ITGA11: variants seen among roughly 807,000 people sequenced by gnomAD.
ITGA11 encodes integrin alpha-11.
In ITGA11, 97 loss-of-function variants were observed where a neutral mutation model predicts 141.9. That is an observed-to-expected ratio of 0.68 (90% CI 0.58 to 0.81). The LOEUF (loss-of-function observed/expected upper bound fraction) is 0.81, where lower values mean the gene tolerates loss of function less well. Ranked by LOEUF, ITGA11 falls within the 30% of genes least tolerant of loss-of-function variation. The pLI is 0.00. For missense variants in ITGA11, 1,387 were observed against 1,559.2 expected (o/e 0.89, Z 1.86); for synonymous variants, 658 against 624.6 (o/e 1.05, Z -0.80).
intron 15 of ITGA11, among the ~76,000 whole-genome samples, 165 bp downstream of exon 15, chr15:68,330,816 T>C (rs550186172): frequency 1.3e-5 from 2 of 152,140 alleles, no homozygotes; most frequent in Non-Finnish European, 2.9e-5. Context: ...TTACACTGAT[T>C]CCACCAAAAG....
intron 2 of ITGA11, among the ~76,000 whole-genome samples, chr15:68,387,485 G>A (rs1468391054): frequency 2.6e-5 from 4 of 152,148 alleles, no homozygotes; most frequent in Admixed American, 2.0e-4. Context: ...CTCTGGAGGT[G>A]GGTTCCAGCA....
At chr15:68,402,701 A>G (rs1376959641) in intron 2 of ITGA11, among the ~76,000 whole-genome samples, 1 of 152,206 alleles carries the variant, frequency 6.6e-6, no homozygotes, top group Non-Finnish European at 1.5e-5. Flanking sequence ...CATTTCACAG[A>G]TGAGAAGATA....
At chr15:68,380,734 A>G (rs116498732) in intron 2 of ITGA11, among the ~76,000 whole-genome samples, 18 of 152,308 alleles carry the variant, frequency 1.2e-4, no homozygotes, top group African/African-American at 4.1e-4. Context: ...GCTGCCTTCC[A>G]TGATGAAGGC....
At chr15:68,424,222 T>C (rs903253326) in intron 1 of ITGA11, among the ~76,000 whole-genome samples, 1 of 152,118 alleles carries the variant, frequency 6.6e-6, no homozygotes, top group African/African-American at 2.4e-5. Flanking sequence ...CTTCTCAAAC[T>C]CTCAAGCTGT....
At chr15:68,397,031 A>T (rs1422392725) in intron 2 of ITGA11, among the ~76,000 whole-genome samples, 1 of 4,000 alleles carries the variant, frequency 2.5e-4, no homozygotes, top group Non-Finnish European at 3.4e-4. Context: ...ATAATATATA[A>T]ATTATTTATT....
intron 22 of ITGA11, among the ~76,000 whole-genome samples, chr15:68,314,998 C>CT (rs1893522512): frequency 6.6e-6 from 1 of 152,178 alleles, no homozygotes; most frequent in African/African-American, 2.4e-5. Flanking sequence ...AGTGTATTTA[C>CT]TACTGACACA....
rs1312417299 is a variant in ITGA11 at position 68,321,431 on chromosome 15, G to C, written c.2395C>G (p.Leu799Val). The C allele has an allele frequency of 1.3e-6, 2 of 1,586,360 alleles. No homozygotes were observed. The highest frequency in any genetic ancestry group is 1.8e-5 in the Admixed American group (1 of 57,116). ...PDLVLDARSDLPTAMEYCQRV... is the reference protein window; with the variant it reads ...PDLVLDARSDVPTAMEYCQRV... Reference sequence around the variant, plus strand: ...GAGCCAACTCACATGGCCGTGGGCAGGTCACTCCGGGCATCCAACACAAGG... The same window carrying C: ...GAGCCAACTCACATGGCCGTGGGCACGTCACTCCGGGCATCCAACACAAGG... The change falls in exon 19 of 30, where the codon CTG becomes GTG. Residue 799 changes from leucine (L) to valine (V), a missense_variant. Leu to Val is a conservative substitution (Grantham distance 32). Coordinates refer to ENST00000315757, the MANE Select transcript of ITGA11 (RefSeq NM_001004439.2). This position sits in a 1 kb window ranked among gnomAD's most constrained non-coding sequence, Gnocchi z 4.9.
chr15:68,353,966 C>T (rs1395472349), intron 7 of ITGA11, among the ~76,000 whole-genome samples: 1 of 152,132 alleles, frequency 6.6e-6, no homozygotes, highest in African/African-American at 2.4e-5. Context: ...CCAAGCCTTT[C>T]TCTGAGCTGT....
Position 68,326,894 on chromosome 15 carries a change from G to C in ITGA11, c.2069-98C>G. The C allele has an allele frequency of 1.5e-6, 2 of 1,325,934 alleles. No homozygotes were observed. The highest frequency in any genetic ancestry group is 2.6e-5 in the East Asian group (1 of 38,850). The allele number at this position is 1,325,934 out of a possible 1,614,324, so 82.1% of individuals were successfully genotyped here. A position where few individuals can be genotyped will look rare whatever the true frequency, so the allele number is the denominator to read the frequency against. On this transcript the variant is annotated intron_variant, in intron 16 of 29. Coordinates refer to ENST00000315757, the MANE Select transcript of ITGA11 (RefSeq NM_001004439.2). The surrounding 1 kb of genome is among the most constrained non-coding windows in gnomAD (Gnocchi z 6.8). ...GAAGCCCCCCAGGCTGGCCAGGGGA[G>C]AGCTGTTCCTTTCCTCTCACGAGCC... is the stretch of plus-strand genomic sequence containing the variant.
chr15:68,303,133 G>C lies in ITGA11; in HGVS notation c.3496-3C>G. 6.4e-7 allele frequency: 1 copy of C among 1,551,290 alleles called. No homozygotes were observed. Reference sequence around the variant, plus strand: ...CTGGCACTTCTAAAGAAGCCGAGCTGTGAGGAGGCAAAGGGAGACGTCTCA... The same window carrying C: ...CTGGCACTTCTAAAGAAGCCGAGCTCTGAGGAGGCAAAGGGAGACGTCTCA... On this transcript the variant is annotated splice_polypyrimidine_tract_variant and splice_region_variant and intron_variant, in intron 29 of 29. Transcript: ENST00000315757. This position sits in a 1 kb window ranked among gnomAD's most constrained non-coding sequence, Gnocchi z 5.3.
chr15:68,414,549 G>A (rs1300481396), intron 1 of ITGA11, among the ~76,000 whole-genome samples: 1 of 152,158 alleles, frequency 6.6e-6, no homozygotes, highest in Non-Finnish European at 1.5e-5. Context: ...TCCTCTTCTA[G>A]AAAATGAGGA....
In ITGA11 at chr15:68,334,472, C is replaced by T. The variant is rs540138968; in HGVS notation, c.1425+1225G>A. Among the ~76,000 whole-genome samples the T allele has an allele frequency of 2.0e-5, 3 of 152,334 alleles. No individual in the cohort carries two copies. In the East Asian group the frequency reaches 5.8e-4, roughly 29 times the overall value. ...GGCTCATGATTCTGCCTACCCCGTC[C>T]ATCTCTGGCTTAGCGTGTTTTCAGG... On this transcript the variant is annotated intron_variant, in intron 12 of 29. Coordinates refer to ENST00000315757, the MANE Select transcript of ITGA11 (RefSeq NM_001004439.2).
At position 68,304,763 on chromosome 15, in the gene ITGA11, C is replaced by G. The variant is rs931978335; in HGVS notation, c.3382-878G>C. Among the ~76,000 whole-genome samples the G allele has an allele frequency of 6.6e-6, 1 of 152,234 alleles. No individual in the cohort carries two copies. Among genetic ancestry groups the G allele is most frequent in the Admixed American group, 6.5e-5 (1 of 15,290 alleles). ...ACCTAAGCAAATGGCAGCACTATCC[C>G]TCCGCGCTGCTCAGGCCAGAAGCCA... is the stretch of plus-strand genomic sequence containing the variant. On this transcript the variant is annotated intron_variant, in intron 28 of 29. Transcript: ENST00000315757. This position sits in a 1 kb window ranked among gnomAD's most constrained non-coding sequence, Gnocchi z 6.1.
rs374555395 is a variant in ITGA11, at chr15:68,339,654, G to A, written c.1132-10C>T. 15 of 1,613,770 alleles carry A rather than the reference G, an allele frequency of 9.3e-6. No homozygotes were observed. Among genetic ancestry groups the A allele is most frequent in the African/African-American group, 2.7e-5 (2 of 74,916 alleles). Reference sequence around the variant, plus strand: ...CCAGCAGAACCCCATCCTGGCATTGGGGAGGGGACACACATCAGCACCTGT... The same window carrying A: ...CCAGCAGAACCCCATCCTGGCATTGAGGAGGGGACACACATCAGCACCTGT... On this transcript the variant is annotated splice_polypyrimidine_tract_variant and intron_variant, in intron 10 of 29. Coordinates refer to ENST00000315757, the MANE Select transcript of ITGA11 (RefSeq NM_001004439.2).
rs201537337 is a variant in ITGA11, at chr15:68,405,159, C to CTTTTTTTTT, written c.53-2139_53-2131dup. Among the ~76,000 whole-genome samples the CTTTTTTTTT allele has an allele frequency of 4.8e-4, 57 of 118,912 alleles. 5 individuals carry two copies. Among genetic ancestry groups the CTTTTTTTTT allele is most frequent in the South Asian group, 1.1e-3 (4 of 3,586 alleles). 78.0% of individuals were successfully genotyped at this position (118,912 alleles called of 152,430 possible). A position where few individuals can be genotyped will look rare whatever the true frequency, so the allele number is the denominator to read the frequency against. ...ACAAGTTATTTTTCCCACTGTCTCCCTTTTTTTTTTTTTTTTGCTCAGCAA... is the reference window on the plus strand; with the variant it reads ...ACAAGTTATTTTTCCCACTGTCTCCCTTTTTTTTTTTTTTTTTTTTTTTTTGCTCAGCAA... On this transcript the variant is annotated intron_variant, in intron 1 of 29. Coordinates refer to ENST00000315757, the MANE Select transcript of ITGA11 (RefSeq NM_001004439.2).
Position 68,299,400 on chromosome 15 carries a change from CAT to C in ITGA11, c.*3657_*3658del, listed in dbSNP as rs1309525695. ...AGAACCTAGTTGATGTTAATATTAA[CAT>C]AAAGATAGTAGGGGAGTTTTTTTTT... On this transcript the variant is annotated 3_prime_UTR_variant, in exon 30 of 30. Coordinates refer to ENST00000315757, the MANE Select transcript of ITGA11 (RefSeq NM_001004439.2). The C allele has an allele frequency of 2.0e-5, 3 of 149,468 alleles. No homozygotes were observed. Among genetic ancestry groups the C allele is most frequent in the African/African-American group, 4.9e-5 (2 of 40,444 alleles). The allele number at this position is 149,468 out of a possible 1,614,324, so 9.3% of individuals were successfully genotyped here.
intron 4 of ITGA11, 105 bp from the exon 5 acceptor site, chr15:68,361,809 T>A: frequency 1.4e-6 from 1 of 729,326 alleles, no homozygotes; most frequent in South Asian, 1.7e-5. Flanking sequence ...AAGACAGACT[T>A]CTATCTGAGG....
chr15:68,311,424 G>A, intron 24 of ITGA11, 21 bp from the exon 25 acceptor site: 5 of 1,504,900 alleles, frequency 3.3e-6, no homozygotes, highest in Non-Finnish European at 4.5e-6. Context: ...AGACAGGGAG[G>A]TGTCAGTACA....
intron 2 of ITGA11, among the ~76,000 whole-genome samples, chr15:68,392,708 C>T (rs1449033317): frequency 1.3e-5 from 2 of 152,076 alleles, no homozygotes; most frequent in East Asian, 3.8e-4. Flanking sequence ...GGGGTTCATA[C>T]CCAGTCAGAA....
Sources: gnomAD v4.1 joint callset for allele counts (sites outside exome capture counted in the v4.1 genomes callset) on GRCh38, gnomAD v4.1.1 for gene constraint, Gnocchi (gnomAD v3.1) non-coding constraint, MANE v1.5 for transcripts, NCBI Gene and HGNC (gene_info 2026-07-23, HGNC 2026-07-21) for gene names.